UBAP2: variants seen among roughly 807,000 people sequenced by gnomAD.
UBAP2 encodes ubiquitin-associated protein 2.
Under a neutral mutation model 139.6 loss-of-function variants are expected in UBAP2, and 75 were observed. The ratio of observed to expected loss-of-function variants is 0.54; its 90% CI spans 0.45 to 0.65. The LOEUF is 0.65. Among genes scored for constraint, UBAP2 ranks in the 30% least tolerant of loss-of-function variants. The pLI is 0.00. For synonymous variants in UBAP2, 526 were observed against 526.2 expected (o/e 1.00, Z 0.01); for missense variants, 1,368 against 1,369.6 (o/e 1.00, Z 0.02).
chr9:34,035,464 T>C (rs1826253221), intron 1 of UBAP2, among the ~76,000 whole-genome samples: 1 of 119,952 alleles, frequency 8.3e-6, no homozygotes. Context: ...ATCGCGCCAC[T>C]GCACTCCAGT....
intron 2 of UBAP2, among the ~76,000 whole-genome samples, chr9:34,006,090 G>A (rs958518358): frequency 2.6e-5 from 4 of 152,004 alleles, no homozygotes; most frequent in Middle Eastern, 3.4e-3. Flanking sequence ...AAAATTAGCC[G>A]GGCATGGTGG....
chr9:33,956,554 C>G (rs953406346), intron 10 of UBAP2, among the ~76,000 whole-genome samples: 12 of 152,006 alleles, frequency 7.9e-5, no homozygotes, highest in African/African-American at 2.9e-4. Context: ...ATCTCCAATT[C>G]CTGGCCTCAA....
At chr9:34,007,227 C>T (rs1823296049) in intron 2 of UBAP2, among the ~76,000 whole-genome samples, 1 of 152,162 alleles carries the variant, frequency 6.6e-6, no homozygotes, top group Admixed American at 6.6e-5. Context: ...GGTGCAGTGA[C>T]TCACGCCTGT....
chr9:33,939,472 T>TA (rs1027904679), intron 16 of UBAP2, among the ~76,000 whole-genome samples: 7 of 151,712 alleles, frequency 4.6e-5, no homozygotes, highest in African/African-American at 1.7e-4. Context: ...GTGCTGGGAT[T>TA]ACAGGAGTGA....
intron 6 of UBAP2, among the ~76,000 whole-genome samples, chr9:33,983,739 C>A (rs1339360623): frequency 6.6e-6 from 1 of 152,166 alleles, no homozygotes; most frequent in African/African-American, 2.4e-5. Flanking sequence ...CTCTTCGTTG[C>A]CATCTTTCTA....
intron 9 of UBAP2, among the ~76,000 whole-genome samples, chr9:33,961,149 G>C (rs1280809625): frequency 2.0e-5 from 3 of 152,066 alleles, no homozygotes; most frequent in Admixed American, 2.0e-4. Flanking sequence ...GTTTCAAATG[G>C]ATTTTGCTTC....
intron 2 of UBAP2, among the ~76,000 whole-genome samples, chr9:34,004,077 T>C (rs1822966408): frequency 6.6e-6 from 1 of 152,106 alleles, no homozygotes; most frequent in Non-Finnish European, 1.5e-5. Context: ...GTCAAAGAAA[T>C]GTCTACCAGT....
At chr9:33,996,179 T>C (rs778913693) in intron 4 of UBAP2, 44 bp downstream of exon 4, 7 of 1,456,276 alleles carry the variant, frequency 4.8e-6, no homozygotes, top group East Asian at 4.6e-5. Context: ...TGCTACGGAA[T>C]TGGAGACAAA....
At chr9:33,977,046 T>A (rs142461082) in intron 6 of UBAP2, among the ~76,000 whole-genome samples, 20,665 of 137,300 alleles carry the variant, frequency 0.15, 1,630 homozygotes, top group Non-Finnish European at 0.18. Flanking sequence ...TTATTTATTT[T>A]TTTTTTTTTT....
At chr9:34,030,665 G>A (rs1357402852) in intron 1 of UBAP2, among the ~76,000 whole-genome samples, 84 of 152,118 alleles carry the variant, frequency 5.5e-4, no homozygotes, top group East Asian at 5.8e-4. Flanking sequence ...GGTGGCTCAC[G>A]CCTGTAATCC....
Position 33,926,680 on chromosome 9 carries a change from A to G in UBAP2, c.2464-16T>C. ...AGCCATAGATCTGTGTGAGAACCAG[A>G]AAGTGTATTTTAGGAACCACATACC... On this transcript the variant is annotated splice_polypyrimidine_tract_variant and intron_variant, in intron 21 of 28. Coordinates refer to ENST00000379238, the MANE Select transcript of UBAP2 (RefSeq NM_001370062.2). 1.9e-6 allele frequency: 3 copies of G among 1,614,232 alleles called. No homozygotes were observed. Among genetic ancestry groups the G allele is most frequent in the Non-Finnish European group, 1.7e-6 (2 of 1,180,026 alleles).
chr9:33,962,668 A>T (rs1379147163), intron 9 of UBAP2, among the ~76,000 whole-genome samples: 132 of 143,800 alleles, frequency 9.2e-4, no homozygotes, highest in Non-Finnish European at 1.4e-3. Flanking sequence ...AAATAAATAA[A>T]TAAATAAATA....
chr9:34,034,057 A>C (rs1211574933), intron 1 of UBAP2, among the ~76,000 whole-genome samples: 1 of 152,114 alleles, frequency 6.6e-6, no homozygotes, highest in East Asian at 1.9e-4. Context: ...CTTAATGAAG[A>C]CCAGATGACC....
intron 1 of UBAP2, among the ~76,000 whole-genome samples, chr9:34,027,337 C>T (rs1351353773): frequency 6.6e-6 from 1 of 152,020 alleles, no homozygotes; most frequent in Non-Finnish European, 1.5e-5. Flanking sequence ...AAAAATAAGC[C>T]AGGTGTGGTG....
In UBAP2 at chr9:33,954,264, GTA is replaced by G. The variant is rs78226943; in HGVS notation, c.867-792_867-791del. On this transcript the variant is annotated intron_variant, in intron 11 of 28. Transcript: ENST00000379238. ...TATCCCATAATACATTTAAGTGTGT[GTA>G]TATACACACACACACACACACACAC... is the stretch of plus-strand genomic sequence containing the variant. 2.8e-3 allele frequency among the ~76,000 whole-genome samples: 337 copies of G among 122,306 alleles called. 1 individual carries two copies. Among genetic ancestry groups the G allele is most frequent in the East Asian group, 0.015 (71 of 4,592 alleles). 80.2% of individuals were successfully genotyped at this position (122,306 alleles called of 152,430 possible).
rs1413005297 is a variant in UBAP2 at position 33,989,107 on chromosome 9, C to G, written c.308G>C (p.Gly103Ala). 6.2e-7 allele frequency: 1 copy of G among 1,612,664 alleles called. No individual in the cohort carries two copies. The highest frequency in any genetic ancestry group is 8.5e-7 in the Non-Finnish European group (1 of 1,179,626). The change falls in exon 5 of 29, where the codon GGG (glycine) becomes GCG (alanine). Residue 103 changes from glycine (G) to alanine (A), a missense_variant. Coordinates refer to ENST00000379238, the MANE Select transcript of UBAP2 (RefSeq NM_001370062.2). Reference sequence around the variant, plus strand: ...TTTTGCAAAATTCTTTTTCTTACACCCTACAGTCTCCCATGAAGTCTATCA... The same window carrying G: ...TTTTGCAAAATTCTTTTTCTTACACGCTACAGTCTCCCATGAAGTCTATCA... ...NSDTTSWETV[G>A]CKKKNFAKEN... is the part of the protein sequence containing the mutation.
rs764206921 is a variant in UBAP2, at chr9:33,986,845, G to T, written c.443-8C>A. On this transcript the variant is annotated splice_region_variant and splice_polypyrimidine_tract_variant and intron_variant, in intron 5 of 28. Transcript: ENST00000379238. ...CATTTTCTTCACCTCTAACTAGGGG[G>T]AAAAGAGCAGAAAAATCAAATTTCC... The T allele has an allele frequency of 6.2e-7, 1 of 1,612,668 alleles. No homozygotes were observed. Among genetic ancestry groups the T allele is most frequent in the African/African-American group, 1.3e-5 (1 of 74,990 alleles).
intron 6 of UBAP2, among the ~76,000 whole-genome samples, chr9:33,975,362 G>A (rs1049754453): frequency 6.6e-6 from 1 of 151,272 alleles, no homozygotes; most frequent in Admixed American, 6.6e-5. Context: ...AACCCGGGAG[G>A]CAGAGGTTGC....
At chr9:34,019,458 T>C (rs1824704639) in intron 1 of UBAP2, among the ~76,000 whole-genome samples, 1 of 151,972 alleles carries the variant, frequency 6.6e-6, no homozygotes. Flanking sequence ...ACAAGTTACT[T>C]AGAAAAGTCA....
Sources: gnomAD v4.1 joint callset for allele counts (sites outside exome capture counted in the v4.1 genomes callset) on GRCh38, gnomAD v4.1.1 for gene constraint, MANE v1.5 for transcripts, NCBI Gene and HGNC (gene_info 2026-07-23, HGNC 2026-07-21) for gene names.